The following CSMD1 variants were observed in gnomAD, a reference collection of about 807,000 sequenced individuals.
The protein encoded by CSMD1 is CUB and Sushi multiple domains 1.
A neutral mutation model predicts 417.5 loss-of-function variants in CSMD1; 213 were observed. The ratio of observed to expected loss-of-function variants is 0.51; its 90% CI spans 0.46 to 0.57. The LOEUF (loss-of-function observed/expected upper bound fraction) is 0.57, where lower values mean the gene tolerates loss of function less well. Ranked by LOEUF, CSMD1 falls within the 20% of genes least tolerant of loss-of-function variation. The pLI, the probability that CSMD1 is intolerant of heterozygous loss-of-function variation, is 0.00. For synonymous variants in CSMD1, 2,862 were observed against 1,736.8 expected (o/e 1.65, Z -16.11); for missense variants, 6,923 against 4,529.7 (o/e 1.53, Z -15.17).
intron 55 of CSMD1, among the ~76,000 whole-genome samples, chr8:2,977,759 G>T (rs1805058705): frequency 6.6e-6 from 1 of 152,060 alleles, no homozygotes; most frequent in African/African-American, 2.4e-5. Context: ...TTAAAAAGTG[G>T]GCAAAGGACA....
chr8:4,831,291 T>G (rs1800135559), intron 1 of CSMD1, among the ~76,000 whole-genome samples: 1 of 152,010 alleles, frequency 6.6e-6, no homozygotes, highest in Non-Finnish European at 1.5e-5. Flanking sequence ...CCACTGGGAG[T>G]CTTTACTTTG....
chr8:3,118,690 T>C (rs942654541), intron 41 of CSMD1, 103 bp from the exon 42 acceptor site: 3 of 996,722 alleles, frequency 3.0e-6, no homozygotes, highest in Non-Finnish European at 3.0e-6. Flanking sequence ...GATGAAGTTG[T>C]TGGATAAGTT....
chr8:3,280,971 G>C (rs968864376), intron 26 of CSMD1, among the ~76,000 whole-genome samples: 26 of 152,114 alleles, frequency 1.7e-4, no homozygotes, highest in Non-Finnish European at 3.7e-4. Flanking sequence ...GATTTTAAAA[G>C]GCCAGGAGTA....
intron 11 of CSMD1, among the ~76,000 whole-genome samples, chr8:3,472,330 G>C (rs939937333): frequency 5.3e-5 from 8 of 152,042 alleles, no homozygotes; most frequent in African/African-American, 1.9e-4. Flanking sequence ...ACTATTGTAA[G>C]TGTGTACTTT....
intron 2 of CSMD1, among the ~76,000 whole-genome samples, chr8:4,477,046 G>T (rs886356428): frequency 1.3e-5 from 2 of 152,216 alleles, no homozygotes; most frequent in Non-Finnish European, 2.9e-5. Flanking sequence ...AGGGCTGGTG[G>T]GACCCCAGCC....
At chr8:4,565,286 G>A (rs1446288635) in intron 2 of CSMD1, among the ~76,000 whole-genome samples, 2 of 152,186 alleles carry the variant, frequency 1.3e-5, no homozygotes, top group African/African-American at 2.4e-5. Context: ...GTGAACAAGT[G>A]TAACTGTAAA....
intron 22 of CSMD1, among the ~76,000 whole-genome samples, chr8:3,347,433 G>C (rs1162330052): frequency 1.3e-5 from 2 of 152,192 alleles, no homozygotes; most frequent in Non-Finnish European, 2.9e-5. Context: ...ATTCTGTCTT[G>C]TCCTGGCTTG....
intron 23 of CSMD1, among the ~76,000 whole-genome samples, chr8:3,314,533 C>T (rs1363222912): frequency 6.6e-6 from 1 of 152,128 alleles, no homozygotes; most frequent in Non-Finnish European, 1.5e-5. Context: ...TGTGTCAAAG[C>T]ACTATTAAGT....
At chr8:3,852,113 T>G (rs754671487) in intron 5 of CSMD1, among the ~76,000 whole-genome samples, 1 of 152,050 alleles carries the variant, frequency 6.6e-6, no homozygotes, top group Admixed American at 6.6e-5. Context: ...GAGGCTCAGG[T>G]TGTTGCAAAA....
intron 1 of CSMD1, among the ~76,000 whole-genome samples, chr8:4,931,324 G>A (rs529024138): frequency 1.1e-4 from 17 of 152,136 alleles, no homozygotes; most frequent in East Asian, 3.9e-4. Flanking sequence ...TGGTCGCTAC[G>A]AGGAGTAAAC....
rs559080091 is a variant in CSMD1 at position 4,567,437 on chromosome 8, C to G, written c.302+69905G>C. On this transcript the variant is annotated intron_variant, in intron 2 of 69. Coordinates refer to ENST00000635120, the MANE Select transcript of CSMD1 (RefSeq NM_033225.6). ...AACAACAACAAATGGCATTTTTTTC[C>G]TACCTCGTCTCTTTTCTTGGAAGGA... Among the ~76,000 whole-genome samples, 24 of 152,228 alleles carry G rather than the reference C, an allele frequency of 1.6e-4. No homozygotes were observed. The South Asian group carries it at 2.5e-3, about 16-fold the overall frequency.
At chr8:4,345,015 G>C (rs944237516) in intron 3 of CSMD1, among the ~76,000 whole-genome samples, 3 of 152,056 alleles carry the variant, frequency 2.0e-5, no homozygotes, top group Non-Finnish European at 4.4e-5. Flanking sequence ...TTCTTTCTAA[G>C]GCAGCATCAC....
intron 5 of CSMD1, among the ~76,000 whole-genome samples, chr8:3,759,024 C>T (rs572997612): frequency 1.1e-4 from 17 of 152,290 alleles, no homozygotes; most frequent in African/African-American, 2.9e-4. Context: ...CGCAAACAAA[C>T]GCCTTTTCCC....
intron 28 of CSMD1, among the ~76,000 whole-genome samples, chr8:3,222,264 A>T (rs931658341): frequency 6.6e-6 from 1 of 152,000 alleles, no homozygotes; most frequent in Non-Finnish European, 1.5e-5. Flanking sequence ...TCATCAAATG[A>T]GTTGCACTTT....
chr8:4,733,663 G>A (rs1034807556), intron 1 of CSMD1, among the ~76,000 whole-genome samples: 1 of 152,092 alleles, frequency 6.6e-6, no homozygotes, highest in Non-Finnish European at 1.5e-5. Context: ...ATCTGAACAG[G>A]TATTTTGTTC....
intron 1 of CSMD1, among the ~76,000 whole-genome samples, chr8:4,716,042 A>C (rs1252518593): frequency 6.6e-6 from 1 of 152,174 alleles, no homozygotes; most frequent in Non-Finnish European, 1.5e-5. Context: ...AAGCCAACCA[A>C]TAGTAAGGGA....
At chr8:2,961,832 G>A (rs925807221) in intron 61 of CSMD1, among the ~76,000 whole-genome samples, 1 of 152,056 alleles carries the variant, frequency 6.6e-6, no homozygotes, top group Non-Finnish European at 1.5e-5. Flanking sequence ...CTTCTAGGGG[G>A]AAGAAAAATA....
At chr8:4,173,718 T>C (rs1290480231) in intron 3 of CSMD1, among the ~76,000 whole-genome samples, 1 of 152,096 alleles carries the variant, frequency 6.6e-6, no homozygotes, top group African/African-American at 2.4e-5. Context: ...CAGCAATCAA[T>C]GAGAAAATTT....
At chr8:4,362,557 G>C (rs1429821794) in intron 3 of CSMD1, among the ~76,000 whole-genome samples, 1 of 152,162 alleles carries the variant, frequency 6.6e-6, no homozygotes, top group African/African-American at 2.4e-5. Context: ...TGTGGGAAGT[G>C]GATAATATAG....
Sources: gnomAD v4.1 joint callset for allele counts (sites outside exome capture counted in the v4.1 genomes callset) on GRCh38, gnomAD v4.1.1 for gene constraint, MANE v1.5 for transcripts, NCBI Gene and HGNC (gene_info 2026-07-23, HGNC 2026-07-21) for gene names.